The following KLHL38 variants were observed in gnomAD, a reference collection of about 807,000 sequenced individuals.
The protein encoded by KLHL38 is kelch like family member 38.
In KLHL38, 38 loss-of-function variants were observed where a neutral mutation model predicts 39.6. That is an observed-to-expected ratio of 0.96 (90% CI 0.74 to 1.26). KLHL38 has a LOEUF of 1.26. Ranked by LOEUF, KLHL38 falls within the 50% of genes most tolerant of loss-of-function variation. The pLI is 0.00. For synonymous variants in KLHL38, 322 were observed against 302.2 expected (o/e 1.07, Z -0.68); for missense variants, 803 against 748.1 (o/e 1.07, Z -0.86).
chr8:123,653,044 T>A, intron 1 of KLHL38, 117 bp from the exon 2 acceptor site: 3 of 1,056,610 alleles, frequency 2.8e-6, no homozygotes, highest in Non-Finnish European at 4.0e-6. Flanking sequence ...CCATTCCCCA[T>A]GATGTTTGCG....
chr8:123,651,099 T>A (rs182554889), intron 2 of KLHL38, among the ~76,000 whole-genome samples: 64 of 152,354 alleles, frequency 4.2e-4, no homozygotes, highest in African/African-American at 1.5e-3. Context: ...AATTCATAAA[T>A]TGAAAAATAT....
Position 123,645,649 on chromosome 8 carries a change from C to T in KLHL38, c.*90G>A. The T allele has an allele frequency of 1.4e-6, 2 of 1,430,994 alleles. No individual in the cohort carries two copies. The highest frequency in any genetic ancestry group is 1.9e-6 in the Non-Finnish European group (2 of 1,040,626). The allele number at this position is 1,430,994 out of a possible 1,614,324, so 88.6% of individuals were successfully genotyped here. On this transcript the variant is annotated 3_prime_UTR_variant, in exon 4 of 4. Transcript: ENST00000684634. ...ACCTCAGTCTTGTGAGCTCTCCCTG[C>T]AGCCTTTAAGGGTTAAGCCCTTTGG...
rs1233251901 is a variant in KLHL38, at chr8:123,652,238, G to C, written c.689C>G (p.Ala230Gly). Reference sequence around the variant, plus strand: ...GTTGGCGATGAAGTGGTGAAAGAAGGCTGGGTGGATGTACTGCAGCCTGAC... The same window carrying C: ...GTTGGCGATGAAGTGGTGAAAGAAGCCTGGGTGGATGTACTGCAGCCTGAC... ...KQVRLQYIHP[A>G]FFHHFIANDA... is the part of the protein sequence containing the mutation. The change falls in exon 2 of 4, where the codon GCC becomes GGC. Residue 230 changes from alanine (A) to glycine (G), a missense_variant. Physicochemically the swap from Ala to Gly is moderately conservative, Grantham distance 60. Coordinates refer to ENST00000684634, the MANE Select transcript of KLHL38 (RefSeq NM_001081675.3). 2.5e-6 allele frequency: 4 copies of C among 1,614,050 alleles called. No homozygotes were observed. In the South Asian group the frequency reaches 3.3e-5, roughly 13 times the overall value.
At chr8:123,650,847 C>T (rs1458855457) in intron 2 of KLHL38, among the ~76,000 whole-genome samples, 1 of 152,136 alleles carries the variant, frequency 6.6e-6, no homozygotes, top group East Asian at 1.9e-4. Context: ...GATGTGAGGT[C>T]AGGTTCCAGG....
At position 123,645,812 on chromosome 8, in the gene KLHL38, T is replaced by A. The variant is rs1317441535; in HGVS notation, c.1673A>T (p.Gln558Leu). ...PETDTWTSQG[Q>L]LPHKLFDHAC... ...ATGGTCAAAGAGCTTGTGCGGCAGCTGTCCCTGGGATGTCCAGGTGTCCGT... is the reference window on the plus strand; with the variant it reads ...ATGGTCAAAGAGCTTGTGCGGCAGCAGTCCCTGGGATGTCCAGGTGTCCGT... Residue 558 changes from glutamine (Q) to leucine (L), a missense_variant, in exon 4 of 4, where the codon CAG (glutamine) becomes CTG (leucine). By Grantham distance (113) the Gln-to-Leu change is moderately radical. Transcript: ENST00000684634. 1 of 1,613,434 alleles carries A rather than the reference T, an allele frequency of 6.2e-7. No individual in the cohort carries two copies. The highest frequency in any genetic ancestry group is 1.1e-5 in the South Asian group (1 of 90,980).
intron 3 of KLHL38, 119 bp from the exon 4 acceptor site, chr8:123,646,147 T>G: frequency 1.1e-6 from 1 of 921,356 alleles, no homozygotes; most frequent in Non-Finnish European, 1.7e-6. Context: ...GGCTCTGAAC[T>G]AGCACGTGGG....
chr8:123,645,486 A>C lies in KLHL38; in HGVS notation c.*253T>G. On this transcript the variant is annotated 3_prime_UTR_variant, in exon 4 of 4. Coordinates refer to ENST00000684634, the MANE Select transcript of KLHL38 (RefSeq NM_001081675.3). ...GAGAGAGAGAGAGAGAGAGACAGAC[A>C]GAGATAGGGGAGAGAAAGAAAGAAG... 2 of 535,386 alleles carry C rather than the reference A, an allele frequency of 3.7e-6. No individual in the cohort carries two copies. The highest frequency in any genetic ancestry group is 3.0e-5 in the East Asian group (1 of 33,854). The allele number at this position is 535,386 out of a possible 1,614,324, so 33.2% of individuals were successfully genotyped here.
rs370989857 is a variant in KLHL38 at position 123,652,208 on chromosome 8, G to T, written c.719C>A (p.Ala240Asp). ...GCATGCAGGCGAGGACTGCAGGAGGGCATCGTTGGCGATGAAGTGGTGAAA... is the reference window on the plus strand; with the variant it reads ...GCATGCAGGCGAGGACTGCAGGAGGTCATCGTTGGCGATGAAGTGGTGAAA... ...AFFHHFIAND[A>D]LLQSSPACQI... The change falls in exon 2 of 4, where the codon GCC becomes GAC. Residue 240 changes from alanine to aspartate, a missense_variant. Ala to Asp is a moderately radical substitution (Grantham distance 126). Coordinates refer to ENST00000684634, the MANE Select transcript of KLHL38 (RefSeq NM_001081675.3). 58 of 1,614,106 alleles carry T rather than the reference G, an allele frequency of 3.6e-5. No individual in the cohort carries two copies. The African/African-American group carries it at 6.9e-4, about 19-fold the overall frequency.
intron 2 of KLHL38, among the ~76,000 whole-genome samples, chr8:123,649,802 ATG>A (rs1812602451): frequency 6.6e-6 from 1 of 152,016 alleles, no homozygotes; most frequent in African/African-American, 2.4e-5. Flanking sequence ...ATGAGGACTG[ATG>A]CCCGCCCCTA....
chr8:123,646,779 G>T, intron 3 of KLHL38, 130 bp downstream of exon 3: 1 of 594,734 alleles, frequency 1.7e-6, no homozygotes. Context: ...GATTCTCCAC[G>T]CTCTTCTGGT....
rs1188339669 is a variant in KLHL38, at chr8:123,644,779, G to T, written c.*960C>A. On this transcript the variant is annotated 3_prime_UTR_variant, in exon 4 of 4. Coordinates refer to ENST00000684634, the MANE Select transcript of KLHL38 (RefSeq NM_001081675.3). ...TAACCCCACCTCTGTCTGTGGGGAT[G>T]TGGTCCAGGACTAGCCAGTCCTGGC... 6.6e-6 allele frequency among the ~76,000 whole-genome samples: 1 copy of T among 152,206 alleles called. No individual in the cohort carries two copies. Among genetic ancestry groups the T allele is most frequent in the Non-Finnish European group, 1.5e-5 (1 of 68,034 alleles).
Position 123,651,855 on chromosome 8 carries a change from G to T in KLHL38, c.1072C>A (p.Leu358Met). 6.2e-7 allele frequency: 1 copy of T among 1,614,172 alleles called. No homozygotes were observed. The highest frequency in any genetic ancestry group is 8.5e-7 in the Non-Finnish European group (1 of 1,180,006). The part of the protein sequence containing the change: ...LVSHNVYIFS[L>M]KLNQWRLGEP... ...CCCAGCCTCCACTGATTGAGTTTCA[G>T]GGAGAAGATGTAGACATTGTGACTG... is the stretch of plus-strand genomic sequence containing the variant. The change falls in exon 2 of 4, where the codon CTG becomes ATG. Residue 358 changes from leucine to methionine, a missense_variant. Coordinates refer to ENST00000684634, the MANE Select transcript of KLHL38 (RefSeq NM_001081675.3).
intron 1 of KLHL38, among the ~76,000 whole-genome samples, chr8:123,653,269 C>T (rs1416693470): frequency 6.7e-6 from 1 of 150,268 alleles, no homozygotes; most frequent in Non-Finnish European, 1.5e-5. Context: ...GATAACAGTC[C>T]ATGGATTTGA....
rs975145664 is a variant in KLHL38 at position 123,644,496 on chromosome 8, T to C, written c.*1243A>G. ...CAATGCAGGATAATTTTACAAACAT[T>C]AGATACTGAATTGTGCATATATCTC... On this transcript the variant is annotated 3_prime_UTR_variant, in exon 4 of 4. Coordinates refer to ENST00000684634, the MANE Select transcript of KLHL38 (RefSeq NM_001081675.3). Among the ~76,000 whole-genome samples the C allele has an allele frequency of 5.3e-5, 8 of 152,190 alleles. No individual in the cohort carries two copies. Among genetic ancestry groups the C allele is most frequent in the Non-Finnish European group, 1.2e-4 (8 of 68,036 alleles).
Position 123,652,743 on chromosome 8 carries a change from T to G in KLHL38, c.184A>C (p.Met62Leu), listed in dbSNP as rs759043293. ...LASSSPYFRA[M>L]FCSSFREKSE... The stretch of plus-strand genomic sequence containing the variant: ...TTCTCCCGGAAGCTGCTGCAGAACA[T>G]AGCCCTGAAGTAGGGGCTGCTGGAG... The change falls in exon 2 of 4, where the codon ATG (methionine) becomes CTG (leucine). Residue 62 changes from methionine to leucine, a missense_variant. By Grantham distance (15) the Met-to-Leu change is conservative (BLOSUM62 2). Coordinates refer to ENST00000684634, the MANE Select transcript of KLHL38 (RefSeq NM_001081675.3). 6.2e-7 allele frequency: 1 copy of G among 1,614,208 alleles called. No individual in the cohort carries two copies. The highest frequency in any genetic ancestry group is 2.2e-5 in the East Asian group (1 of 44,876).
chr8:123,651,556 T>C lies in KLHL38; in HGVS notation c.1350+21A>G, dbSNP rs954191177. 3.2e-6 allele frequency: 5 copies of C among 1,541,652 alleles called. No individual in the cohort carries two copies. In the African/African-American group the frequency reaches 4.1e-5, roughly 13 times the overall value. The stretch of plus-strand genomic sequence containing the variant: ...CACACATACTCATGCAGTTACGTGA[T>C]GGGAAGAACCGGCCATTTACCTGGA... On this transcript the variant is annotated intron_variant, in intron 2 of 3. Coordinates refer to ENST00000684634, the MANE Select transcript of KLHL38 (RefSeq NM_001081675.3).
rs1336198144 is a variant in KLHL38 at position 123,645,975 on chromosome 8, A to G, written c.1510T>C (p.Cys504Arg). Residue 504 changes from cysteine (C) to arginine (R), a missense_variant, in exon 4 of 4, where the codon TGT becomes CGT. Coordinates refer to ENST00000684634, the MANE Select transcript of KLHL38 (RefSeq NM_001081675.3). The part of the protein sequence containing the change: ...YDPQSNKFVK[C>R]ADMKDRRMHH... ...ATCCTCCGGTCTTTCATGTCCGCAC[A>G]TTTGACAAATTTGTTGGATTGAGGG... 3.7e-6 allele frequency: 6 copies of G among 1,614,076 alleles called. No homozygotes were observed. The highest frequency in any genetic ancestry group is 5.1e-6 in the Non-Finnish European group (6 of 1,180,006).
intron 2 of KLHL38, among the ~76,000 whole-genome samples, chr8:123,650,312 A>G (rs1812616751): frequency 6.6e-6 from 1 of 152,128 alleles, no homozygotes; most frequent in Admixed American, 6.5e-5. Flanking sequence ...ATGAGCTAAA[A>G]AAAATCGCTA....
Position 123,645,841 on chromosome 8 carries a change from G to C in KLHL38, c.1644C>G (p.Pro548=). 8 of 1,613,898 alleles carry C rather than the reference G, an allele frequency of 5.0e-6. No homozygotes were observed. The highest frequency in any genetic ancestry group is 2.2e-5 in the East Asian group (1 of 44,886). The change falls in exon 4 of 4, where the codon CCC becomes CCG. Residue 548 remains proline (P), a synonymous_variant. Coordinates refer to ENST00000684634, the MANE Select transcript of KLHL38 (RefSeq NM_001081675.3). ...CCTGGGATGTCCAGGTGTCCGTCTCGGGGTCGTAGCAATCGAAGGAGGCGG... is the reference window on the plus strand; with the variant it reads ...CCTGGGATGTCCAGGTGTCCGTCTCCGGGTCGTAGCAATCGAAGGAGGCGG... The part of the protein sequence containing the change: ...EDSASFDCYD[P]ETDTWTSQGQ...
Sources: allele counts gnomAD v4.1 joint callset (sites outside exome capture counted in the v4.1 genomes callset), GRCh38; gene constraint gnomAD v4.1.1; transcripts MANE v1.5; gene names NCBI Gene and HGNC (gene_info 2026-07-23, HGNC 2026-07-21).